ZMAT4: variants seen among roughly 807,000 people sequenced by gnomAD.
ZMAT4 encodes the protein zinc finger matrin-type 4, also known as zinc finger matrin-type protein 4.
Under a neutral mutation model 28.7 loss-of-function variants are expected in ZMAT4, and 17 were observed. That is an observed-to-expected ratio of 0.59 (90% confidence interval 0.41 to 0.89). The LOEUF (loss-of-function observed/expected upper bound fraction) is 0.89, where lower values mean the gene tolerates loss of function less well. Ranked by LOEUF, ZMAT4 falls within the 40% of genes least tolerant of loss-of-function variation. ZMAT4 has a pLI of 0.00. For missense variants in ZMAT4, 240 were observed against 283.8 expected (o/e 0.85, Z 1.11); for synonymous variants, 117 against 109.2 (o/e 1.07, Z -0.44).
intron 1 of ZMAT4, among the ~76,000 whole-genome samples, chr8:40,890,318 T>A (rs1281648671): frequency 6.6e-6 from 1 of 151,992 alleles, no homozygotes; most frequent in Non-Finnish European, 1.5e-5. Context: ...TAAACCCATT[T>A]CCTCCCATCC....
intron 1 of ZMAT4, among the ~76,000 whole-genome samples, chr8:40,878,319 G>A (rs1306263968): frequency 6.6e-6 from 1 of 152,160 alleles, no homozygotes; most frequent in Non-Finnish European, 1.5e-5. Flanking sequence ...TCTCACAGAT[G>A]ATGGTGTTAA....
At chr8:40,730,115 T>C (rs1029625861) in intron 3 of ZMAT4, among the ~76,000 whole-genome samples, 2 of 152,196 alleles carry the variant, frequency 1.3e-5, no homozygotes, top group African/African-American at 4.8e-5. Flanking sequence ...GAAATGTAAA[T>C]GAAACATTTA....
intron 4 of ZMAT4, among the ~76,000 whole-genome samples, chr8:40,693,127 T>C (rs1383484986): frequency 6.6e-6 from 1 of 152,136 alleles, no homozygotes; most frequent in East Asian, 1.9e-4. Context: ...TTTTTTCTTG[T>C]TTTCCCTAAG....
At chr8:40,691,223 A>C (rs1036765691) in intron 4 of ZMAT4, among the ~76,000 whole-genome samples, 2 of 152,156 alleles carry the variant, frequency 1.3e-5, no homozygotes, top group African/African-American at 4.8e-5. Context: ...TAAACTCACC[A>C]CCAATGGCAC....
intron 5 of ZMAT4, among the ~76,000 whole-genome samples, chr8:40,602,888 T>C (rs1170029361): frequency 6.6e-6 from 1 of 152,240 alleles, no homozygotes; most frequent in Non-Finnish European, 1.5e-5. Context: ...ATTATTTCTT[T>C]AGCTGTGCAG....
chr8:40,780,522 C>T (rs1044358491), intron 2 of ZMAT4, among the ~76,000 whole-genome samples: 4 of 152,002 alleles, frequency 2.6e-5, no homozygotes, highest in Non-Finnish European at 5.9e-5. Context: ...TCCGGAGCAC[C>T]GACATTCTTG....
chr8:40,696,536 A>C (rs1809893532), intron 4 of ZMAT4, among the ~76,000 whole-genome samples: 1 of 152,178 alleles, frequency 6.6e-6, no homozygotes, highest in African/African-American at 2.4e-5. Context: ...ATCTTGATTA[A>C]ATTATAACAG....
At chr8:40,769,587 A>C (rs578028019) in intron 2 of ZMAT4, among the ~76,000 whole-genome samples, 36 of 152,366 alleles carry the variant, frequency 2.4e-4, no homozygotes, top group African/African-American at 7.7e-4. Context: ...TAAAGCACGC[A>C]GACGATAATG....
intron 1 of ZMAT4, among the ~76,000 whole-genome samples, chr8:40,859,413 TCCC>T (rs1817410938): frequency 3.3e-5 from 5 of 151,786 alleles, no homozygotes; most frequent in African/African-American, 1.2e-4. Flanking sequence ...AAATCTTCAA[TCCC>T]TCAAAATCCC....
intron 3 of ZMAT4, among the ~76,000 whole-genome samples, chr8:40,749,812 A>C (rs1268817795): frequency 6.6e-6 from 1 of 152,180 alleles, no homozygotes; most frequent in African/African-American, 2.4e-5. Context: ...GATTTAGGTG[A>C]CCTCACTTTT....
intron 3 of ZMAT4, among the ~76,000 whole-genome samples, chr8:40,758,512 T>C (rs1430094728): frequency 6.6e-6 from 1 of 152,240 alleles, no homozygotes; most frequent in African/African-American, 2.4e-5. Flanking sequence ...ATTTTAGTTA[T>C]TAAGGACCCT....
chr8:40,706,290 G>A (rs1329349746), intron 3 of ZMAT4, among the ~76,000 whole-genome samples: 7 of 152,078 alleles, frequency 4.6e-5, no homozygotes, highest in East Asian at 1.9e-4. Flanking sequence ...TCCTGACCCC[G>A]TGATCCACCC....
chr8:40,679,215 T>A (rs1427954028), intron 4 of ZMAT4, among the ~76,000 whole-genome samples: 1 of 152,190 alleles, frequency 6.6e-6, no homozygotes, highest in African/African-American at 2.4e-5. Flanking sequence ...TCAGCTGCTG[T>A]CACCTGTTGG....
chr8:40,743,518 G>T (rs774104461), intron 3 of ZMAT4, among the ~76,000 whole-genome samples: 15 of 152,164 alleles, frequency 9.9e-5, no homozygotes, highest in African/African-American at 1.4e-4. Context: ...TCTCTCATTC[G>T]GTCCTTCATT....
intron 5 of ZMAT4, among the ~76,000 whole-genome samples, chr8:40,591,825 C>T (rs1804903673): frequency 6.6e-6 from 1 of 152,140 alleles, no homozygotes; most frequent in South Asian, 2.1e-4. Flanking sequence ...CTCAAAACCA[C>T]CTTACGAATA....
Position 40,697,353 on chromosome 8 carries a change from T to A in ZMAT4, c.241A>T (p.Asn81Tyr). 6.2e-7 allele frequency: 1 copy of A among 1,613,742 alleles called. No individual in the cohort carries two copies. Among genetic ancestry groups the A allele is most frequent in the Non-Finnish European group, 8.5e-7 (1 of 1,179,800 alleles). The change falls in exon 4 of 7, where the codon AAC becomes TAC. Residue 81 changes from asparagine (N) to tyrosine (Y), a missense_variant. By Grantham distance (143) the Asn-to-Tyr change is moderately radical. Transcript: ENST00000297737. The stretch of plus-strand genomic sequence containing the variant: ...ACCACCGCTGAAGTGAATGACATGT[T>A]GCAGAGTGTGCAGCACTTGTTCTTA... ...VDKNKCCTLC[N>Y]MSFTSAVVAD...
chr8:40,848,207 G>T (rs74642919), intron 1 of ZMAT4, among the ~76,000 whole-genome samples: 8 of 152,146 alleles, frequency 5.3e-5, no homozygotes, highest in Admixed American at 2.0e-4. Context: ...AGTAATAACT[G>T]TTGAAGAGAA....
intron 2 of ZMAT4, among the ~76,000 whole-genome samples, chr8:40,802,185 C>T (rs1009378934): frequency 6.6e-6 from 1 of 152,226 alleles, no homozygotes; most frequent in Non-Finnish European, 1.5e-5. Context: ...AATGTCTCCT[C>T]TCACCACTGC....
At chr8:40,683,789 G>C (rs938703759) in intron 4 of ZMAT4, among the ~76,000 whole-genome samples, 2 of 152,056 alleles carry the variant, frequency 1.3e-5, no homozygotes, top group Non-Finnish European at 1.5e-5. Flanking sequence ...TTCAGACCAG[G>C]CACAGTGGCT....
Sources: allele counts gnomAD v4.1 joint callset (sites outside exome capture counted in the v4.1 genomes callset), GRCh38; gene constraint gnomAD v4.1.1; transcripts MANE v1.5; gene names NCBI Gene and HGNC (gene_info 2026-07-23, HGNC 2026-07-21).